NIPBL: variants seen among roughly 807,000 people sequenced by gnomAD.
The protein encoded by NIPBL is nipped-B-like protein.
In NIPBL, 19 loss-of-function variants were observed where a neutral mutation model predicts 321.8. That is an observed-to-expected ratio of 0.06 (90% CI 0.04 to 0.09). The LOEUF is 0.09. NIPBL is among the 10% of genes least tolerant of loss of function. The probability of loss-of-function intolerance (pLI) is 1.00; values close to 1 mark genes in which losing one functional copy is unlikely to be tolerated. For synonymous variants in NIPBL, 1,106 were observed against 1,114.1 expected (o/e 0.99, Z 0.14); for missense variants, 2,210 against 3,327.0 (o/e 0.66, Z 8.26).
chr5:36,932,928 G>T (rs1749891849), intron 1 of NIPBL, among the ~76,000 whole-genome samples: 1 of 151,856 alleles, frequency 6.6e-6, no homozygotes. Context: ...CTTGTGAGTA[G>T]CTGGGAGTAC....
chr5:37,013,971 C>T (rs571651882), intron 21 of NIPBL, among the ~76,000 whole-genome samples: 1 of 152,218 alleles, frequency 6.6e-6, no homozygotes, highest in African/African-American at 2.4e-5. Flanking sequence ...CTCGGGAGGC[C>T]GAGGCTGGCG....
At chr5:36,952,059 C>A (rs775591977) in intron 1 of NIPBL, among the ~76,000 whole-genome samples, 1 of 74,524 alleles carries the variant, frequency 1.3e-5, no homozygotes. Flanking sequence ...TGTGTGCGCG[C>A]GCGCGCGCGC....
intron 4 of NIPBL, among the ~76,000 whole-genome samples, chr5:36,958,473 C>T (rs1404811272): frequency 1.3e-5 from 2 of 152,140 alleles, no homozygotes; most frequent in African/African-American, 4.8e-5. Context: ...TCAGTTTACT[C>T]AGCTTAAAAA....
At chr5:36,942,393 C>T (rs940289545) in intron 1 of NIPBL, among the ~76,000 whole-genome samples, 1 of 131,784 alleles carries the variant, frequency 7.6e-6, no homozygotes, top group African/African-American at 3.0e-5. Context: ...GATCGTGCCA[C>T]TGCATGCCAG....
chr5:37,044,307 G>C (rs754184654), intron 34 of NIPBL, 40 bp from the exon 35 acceptor site: 2 of 1,587,050 alleles, frequency 1.3e-6, no homozygotes, highest in East Asian at 4.5e-5. Context: ...TTTCTTTTCA[G>C]GTTTTGGATA....
rs563382481 is a variant in NIPBL, at chr5:36,927,269, G to A, written c.-79-26349G>A. On this transcript the variant is annotated intron_variant, in intron 1 of 46. Transcript: ENST00000282516. ...TATTGTTTTCTCAAGGAGGATACAG[G>A]CATATTTTACTGAGAGGAGAAAAGA... Among the ~76,000 whole-genome samples, 17 of 152,192 alleles carry A rather than the reference G, an allele frequency of 1.1e-4. No individual in the cohort carries two copies. In the East Asian group the frequency reaches 3.3e-3, roughly 29 times the overall value.
At chr5:36,954,496 A>G (rs1031311641) in intron 2 of NIPBL, among the ~76,000 whole-genome samples, 9 of 152,174 alleles carry the variant, frequency 5.9e-5, no homozygotes, top group Middle Eastern at 3.2e-3. Flanking sequence ...TTGGGTCAGC[A>G]TTACTCAGGT....
chr5:36,964,206 A>G (rs1327979466), intron 6 of NIPBL, among the ~76,000 whole-genome samples: 3 of 152,262 alleles, frequency 2.0e-5, no homozygotes, highest in Admixed American at 6.5e-5. Context: ...TCTATATTCA[A>G]CGTAATCCCT....
At chr5:37,054,834 A>T (rs919575970) in intron 42 of NIPBL, among the ~76,000 whole-genome samples, 2 of 152,208 alleles carry the variant, frequency 1.3e-5, no homozygotes, top group Non-Finnish European at 2.9e-5. Flanking sequence ...AATGTGTGGG[A>T]AATAATGAAT....
rs145679925 is a variant in NIPBL at position 36,968,170 on chromosome 5, A to G, written c.611-2706A>G. ...ACCTATATGACAAAATTGGATATAT[A>G]TATGAATTGATTAGTAGAAGACAAT... On this transcript the variant is annotated intron_variant, in intron 6 of 46. Coordinates refer to ENST00000282516, the MANE Select transcript of NIPBL (RefSeq NM_133433.4). Among the ~76,000 whole-genome samples, 640 of 152,116 alleles carry G rather than the reference A, an allele frequency of 4.2e-3. 4 individuals carry two copies. Among genetic ancestry groups the G allele is most frequent in the African/African-American group, 0.014 (586 of 41,484 alleles).
Position 36,876,805 on chromosome 5 carries a change from G to A in NIPBL, c.-453G>A, listed in dbSNP as rs1013684651. On this transcript the variant is annotated 5_prime_UTR_variant, in exon 1 of 47. Transcript: ENST00000282516. ...AGAGGGAGAGACGGAACGAGAGAGA[G>A]ACACACACAGGGCTCCTTCCCCCCG... 7.5e-6 allele frequency: 3 copies of A among 397,388 alleles called. No individual in the cohort carries two copies. Among genetic ancestry groups the A allele is most frequent in the Admixed American group, 4.4e-5 (1 of 22,672 alleles). The allele number at this position is 397,388 out of a possible 1,614,324, so 24.6% of individuals were successfully genotyped here.
intron 1 of NIPBL, among the ~76,000 whole-genome samples, chr5:36,934,300 G>A (rs1310968075): frequency 6.6e-6 from 1 of 152,006 alleles, no homozygotes; most frequent in East Asian, 1.9e-4. Context: ...TGTACCTAAG[G>A]TGCCAGTGAA....
chr5:37,064,391 C>T lies in NIPBL; in HGVS notation c.8050-136C>T, dbSNP rs976159755. The stretch of plus-strand genomic sequence containing the variant: ...CTTGGCGCTGGCGGTCACGGTGCGT[C>T]TCATTGCCGGCAATGGAAGTGTGCC... On this transcript the variant is annotated intron_variant, in intron 46 of 46. Transcript: ENST00000282516. 4 of 1,534,554 alleles carry T rather than the reference C, an allele frequency of 2.6e-6. No homozygotes were observed. In the African/African-American group the frequency reaches 5.5e-5, roughly 21 times the overall value.
chr5:36,884,292 C>T (rs370351132), intron 1 of NIPBL, among the ~76,000 whole-genome samples: 17 of 152,038 alleles, frequency 1.1e-4, no homozygotes, highest in Non-Finnish European at 2.2e-4. Context: ...TGATGAAACC[C>T]AGAGCAGTTT....
At chr5:37,024,473 G>T in intron 29 of NIPBL, 112 bp from the exon 30 acceptor site, 1 of 831,532 alleles carries the variant, frequency 1.2e-6, no homozygotes, top group Non-Finnish European at 1.9e-6. Flanking sequence ...TGTCAAGTGT[G>T]TTTATCATGT....
At chr5:37,024,855 A>G (rs1470584023) in intron 30 of NIPBL, 136 bp downstream of exon 30, 2 of 678,294 alleles carry the variant, frequency 2.9e-6, no homozygotes, top group Non-Finnish European at 4.7e-6. Context: ...CTTAAGAAAA[A>G]TACATACTTT....
intron 6 of NIPBL, among the ~76,000 whole-genome samples, chr5:36,962,652 A>G (rs868487191): frequency 2.0e-5 from 3 of 152,212 alleles, no homozygotes; most frequent in African/African-American, 2.4e-5. Flanking sequence ...TTTCACATAC[A>G]TGGTTTCTGC....
chr5:36,899,779 G>C (rs1015604293), intron 1 of NIPBL, among the ~76,000 whole-genome samples: 1 of 152,132 alleles, frequency 6.6e-6, no homozygotes, highest in Non-Finnish European at 1.5e-5. Context: ...TCAAAAATCA[G>C]TCCTGTATTG....
intron 30 of NIPBL, among the ~76,000 whole-genome samples, chr5:37,025,205 ATC>A (rs1750121081): frequency 6.6e-6 from 1 of 152,196 alleles, no homozygotes; most frequent in African/African-American, 2.4e-5. Context: ...GTGAGCTGTA[ATC>A]TTGCCACTGC....
Sources: gnomAD v4.1 joint callset for allele counts (sites outside exome capture counted in the v4.1 genomes callset) on GRCh38, gnomAD v4.1.1 for gene constraint, MANE v1.5 for transcripts, NCBI Gene and HGNC (gene_info 2026-07-23, HGNC 2026-07-21) for gene names.